Variants in CD300LG observed in about 807,000 individuals in gnomAD.
The protein encoded by CD300LG is CMRF35-like molecule 9.
Under a neutral mutation model 31.5 loss-of-function variants are expected in CD300LG, and 29 were observed. The observed-to-expected ratio is 0.92, with a 90% CI of 0.68 to 1.25. The LOEUF (loss-of-function observed/expected upper bound fraction) is 1.25, where lower values mean the gene tolerates loss of function less well. Ranked by LOEUF, CD300LG falls within the 50% of genes most tolerant of loss-of-function variation. The pLI is 0.00. For synonymous variants in CD300LG, 175 were observed against 177.2 expected, an observed-to-expected ratio of 0.99 and a Z score of 0.10; for missense variants, 396 against 417.6, an observed-to-expected ratio of 0.95 and a Z score of 0.45.
intron 6 of CD300LG, chr17:43,857,809 T>C: frequency 6.5e-7 from 1 of 1,537,302 alleles, no homozygotes; most frequent in Middle Eastern, 1.7e-4. Flanking sequence ...ATGTTTTCTC[T>C]GAGCCTGCCT....
intron 2 of CD300LG, among the ~76,000 whole-genome samples, chr17:43,851,205 T>C (rs949014376): frequency 6.6e-6 from 1 of 151,480 alleles, no homozygotes; most frequent in African/African-American, 2.4e-5. Context: ...ACTCTGTATT[T>C]GCAAAAGATT....
chr17:43,847,394 T>TGGGGGTGGGGGGGGGGGGGGGGGGG, intron 1 of CD300LG, 135 bp downstream of exon 1: 2 of 311,080 alleles, frequency 6.4e-6, no homozygotes, highest in Non-Finnish European at 1.2e-5. Context: ...CGGGGCGGGC[T>TGGGGGTGGGGGGGGGGGGGGGGGGG]GGGGGTGGGG....
intron 1 of CD300LG, 47 bp downstream of exon 1, chr17:43,847,306 T>C (rs2046210304): frequency 1.9e-6 from 3 of 1,561,054 alleles, no homozygotes; most frequent in Middle Eastern, 3.5e-4. Context: ...CTCACCCTTG[T>C]GGTCTGCAGG....
chr17:43,849,097 C>T lies in CD300LG; in HGVS notation c.379+204C>T, dbSNP rs895789866. 1.2e-5 allele frequency: 7 copies of T among 605,184 alleles called. 1 individual carries two copies. The African/African-American group carries it at 1.3e-4, about 11-fold the overall frequency. The allele number at this position is 605,184 out of a possible 1,614,324, so 37.5% of individuals were successfully genotyped here. ...GTCTCACTCTTGCTGCCCGAGGTCA[C>T]ACCAGTAGTAGATGTCAGAGCAGGA... On this transcript the variant is annotated intron_variant, in intron 2 of 6. Coordinates refer to ENST00000317310, the MANE Select transcript of CD300LG (RefSeq NM_145273.4).
intron 6 of CD300LG, chr17:43,858,087 A>C: frequency 1.4e-6 from 2 of 1,399,848 alleles, no homozygotes; most frequent in East Asian, 2.7e-5. Flanking sequence ...CCATTCCTTT[A>C]AACACAAGGG....
chr17:43,861,593 GGGAT>G (rs1432104986), intron 6 of CD300LG, among the ~76,000 whole-genome samples: 1 of 152,202 alleles, frequency 6.6e-6, no homozygotes, highest in East Asian at 1.9e-4. Flanking sequence ...CCCCGGGGGA[GGGAT>G]GGATTGGGGT....
At chr17:43,854,773 A>C (rs569984376) in intron 4 of CD300LG, among the ~76,000 whole-genome samples, 1 of 152,128 alleles carries the variant, frequency 6.6e-6, no homozygotes, top group South Asian at 2.1e-4. Context: ...AAATTGATCC[A>C]CTCCTACCTA....
rs2046677051 is a variant in CD300LG, at chr17:43,862,949, G to A, written c.*1038G>A. On this transcript the variant is annotated 3_prime_UTR_variant, in exon 7 of 7. Coordinates refer to ENST00000317310, the MANE Select transcript of CD300LG (RefSeq NM_145273.4). ...AGTAGGAACAGGGCGGATACCTGAAGGTGACTCCGAGTCCAGCCCCCTGGA... is the reference window on the plus strand; with the variant it reads ...AGTAGGAACAGGGCGGATACCTGAAAGTGACTCCGAGTCCAGCCCCCTGGA... 1 of 152,130 alleles carries A rather than the reference G, an allele frequency of 6.6e-6. No individual in the cohort carries two copies. Among genetic ancestry groups the A allele is most frequent in the South Asian group, 2.1e-4 (1 of 4,826 alleles). The allele number at this position is 152,130 out of a possible 1,614,324, so 9.4% of individuals were successfully genotyped here.
rs2046682577 is a variant in CD300LG at position 43,863,354 on chromosome 17, A to G, written c.*1443A>G. 1 of 152,204 alleles carries G rather than the reference A, an allele frequency of 6.6e-6. No homozygotes were observed. The highest frequency in any genetic ancestry group is 1.5e-5 in the Non-Finnish European group (1 of 68,030). The allele number at this position is 152,204 out of a possible 1,614,324, so 9.4% of individuals were successfully genotyped here. A position where few individuals can be genotyped will look rare whatever the true frequency, so the allele number is the denominator to read the frequency against. ...TAAAAAGTGAAATTAAGAGTTGTTCAGTATGCAAAACTTGGAAAGATGGAG... is the reference window on the plus strand; with the variant it reads ...TAAAAAGTGAAATTAAGAGTTGTTCGGTATGCAAAACTTGGAAAGATGGAG... On this transcript the variant is annotated 3_prime_UTR_variant, in exon 7 of 7. Transcript: ENST00000317310.
intron 6 of CD300LG, 192 bp downstream of exon 6, chr17:43,857,348 G>A: frequency 6.6e-7 from 1 of 1,511,314 alleles, no homozygotes; most frequent in Non-Finnish European, 8.9e-7. Context: ...CGGACACAGT[G>A]CCCATGGGGG....
At chr17:43,851,977 C>T (rs996932889) in intron 2 of CD300LG, among the ~76,000 whole-genome samples, 4 of 152,056 alleles carry the variant, frequency 2.6e-5, no homozygotes, top group South Asian at 4.1e-4. Flanking sequence ...GAAGACATTA[C>T]AGAGGAGTTG....
chr17:43,848,707 A>G lies in CD300LG; in HGVS notation c.193A>G (p.Ile65Val). The G allele has an allele frequency of 6.2e-7, 1 of 1,614,118 alleles. No individual in the cohort carries two copies. The highest frequency in any genetic ancestry group is 8.5e-7 in the Non-Finnish European group (1 of 1,180,024). The change falls in exon 2 of 7, where the codon ATC becomes GTC. Residue 65 changes from isoleucine (I) to valine (V), a missense_variant. By Grantham distance (29) the Ile-to-Val change is conservative (BLOSUM62 3). Coordinates refer to ENST00000317310, the MANE Select transcript of CD300LG (RefSeq NM_145273.4). ...GILFSRCSGT[I>V]YAEEEGQETM... ...CCTCTTCTCTCGCTGCTCTGGCACC[A>G]TCTATGCAGAAGAAGAAGGCCAGGA...
At chr17:43,853,777 G>A in intron 3 of CD300LG, 30 bp from the exon 4 acceptor site, 1 of 1,566,770 alleles carries the variant, frequency 6.4e-7, no homozygotes, top group Non-Finnish European at 8.8e-7. Context: ...GGTCAGGAAG[G>A]ATGCTGAGGC....
chr17:43,855,139 A>G, intron 4 of CD300LG, 68 bp from the exon 5 acceptor site: 1 of 882,950 alleles, frequency 1.1e-6, no homozygotes, highest in Non-Finnish European at 1.6e-6. Context: ...TGTGCCTGGG[A>G]CCCCCAAAGG....
chr17:43,853,146 C>G (rs1382808764), intron 3 of CD300LG, 133 bp downstream of exon 3: 1 of 696,052 alleles, frequency 1.4e-6, no homozygotes, highest in Non-Finnish European at 2.4e-6. Flanking sequence ...GCTGGGTTGT[C>G]CAGCTGTGGA....
intron 2 of CD300LG, among the ~76,000 whole-genome samples, chr17:43,851,219 T>A (rs1046164686): frequency 1.6e-4 from 24 of 150,936 alleles, no homozygotes; most frequent in Admixed American, 1.1e-3. Context: ...AAAGATTTGA[T>A]CATCTACTTA....
At chr17:43,848,920 C>T in intron 2 of CD300LG, 27 bp downstream of exon 2, 1 of 1,588,738 alleles carries the variant, frequency 6.3e-7, no homozygotes, top group Non-Finnish European at 8.6e-7. Context: ...CTTCCCCAGG[C>T]TGGGGACAGG....
At chr17:43,849,119 A>G (rs2046274523) in intron 2 of CD300LG, 2 of 599,082 alleles carry the variant, frequency 3.3e-6, no homozygotes, top group South Asian at 2.0e-5. Flanking sequence ...ATGTCAGAGC[A>G]GGACCGGACC....
chr17:43,855,215 T>G lies in CD300LG; in HGVS notation c.728T>G (p.Ile243Ser). The change falls in exon 5 of 7, where the codon ATC becomes AGC. Residue 243 changes from isoleucine (I) to serine (S), a missense_variant. Transcript: ENST00000317310. ...TTGCGTCTCGTCTCCAGGGTGTCCA[T>G]CCCGATGGTCCGCATACTGGCCCCA... is the stretch of plus-strand genomic sequence containing the variant. ...SSGSSKPRVS[I>S]PMVRILAPVL... 6.2e-7 allele frequency: 1 copy of G among 1,605,308 alleles called. No individual in the cohort carries two copies. The highest frequency in any genetic ancestry group is 1.3e-5 in the African/African-American group (1 of 74,776).
Sources: gnomAD v4.1 joint callset for allele counts (sites outside exome capture counted in the v4.1 genomes callset) on GRCh38, gnomAD v4.1.1 for gene constraint, MANE v1.5 for transcripts, NCBI Gene and HGNC (gene_info 2026-07-23, HGNC 2026-07-21) for gene names.